The following UQCC1 variants were observed in gnomAD, a reference collection of about 807,000 sequenced individuals.
UQCC1 encodes the protein ubiquinol-cytochrome c reductase complex assembly factor 1, also known as bFGF-repressed Zic-binding protein.
Under a neutral mutation model 48.0 loss-of-function variants are expected in UQCC1, and 38 were observed. The ratio of observed to expected loss-of-function variants is 0.79; its 90% CI spans 0.61 to 1.04. UQCC1 has a LOEUF of 1.04. Among genes scored for constraint, UQCC1 ranks in the 50% least tolerant of loss-of-function variants. The pLI, the probability that UQCC1 is intolerant of heterozygous loss-of-function variation, is 0.00. For missense variants in UQCC1, 368 were observed against 381.8 expected, an observed-to-expected ratio of 0.96 and a Z score of 0.30; for synonymous variants, 111 against 129.2, an observed-to-expected ratio of 0.86 and a Z score of 0.95.
At chr20:35,335,904 G>T (rs1193610800) in intron 7 of UQCC1, among the ~76,000 whole-genome samples, 1 of 152,206 alleles carries the variant, frequency 6.6e-6, no homozygotes, top group South Asian at 2.1e-4. Flanking sequence ...CTGGCTAGGC[G>T]TGGTGGCTTA....
chr20:35,314,780 G>A lies in UQCC1; in HGVS notation c.574-15C>T. 1 of 1,568,640 alleles carries A rather than the reference G, an allele frequency of 6.4e-7. No individual in the cohort carries two copies. The highest frequency in any genetic ancestry group is 8.7e-7 in the Non-Finnish European group (1 of 1,147,928). On this transcript the variant is annotated splice_polypyrimidine_tract_variant and intron_variant, in intron 7 of 9. Transcript: ENST00000374385. ...TAGGGATTAACCTACAGAAACAAAT[G>A]GCAAAAACAAAAGTTTGAAAGAAAG...
chr20:35,341,218 CAAAAA>C (rs61675932), intron 7 of UQCC1, among the ~76,000 whole-genome samples: 146 of 115,796 alleles, frequency 1.3e-3, no homozygotes, highest in East Asian at 6.9e-3. Flanking sequence ...GAGACTCCGT[CAAAAA>C]AAAAAAAAAA....
At chr20:35,408,747 C>T (rs1044957177) in intron 1 of UQCC1, among the ~76,000 whole-genome samples, 3 of 151,578 alleles carry the variant, frequency 2.0e-5, no homozygotes, top group African/African-American at 7.3e-5. Context: ...CCCAGCTACT[C>T]AGGAGGCTGA....
intron 7 of UQCC1, among the ~76,000 whole-genome samples, chr20:35,333,578 CGAGT>C (rs1250622841): frequency 2.0e-5 from 3 of 152,132 alleles, no homozygotes; most frequent in African/African-American, 7.2e-5. Context: ...CATAAATACA[CGAGT>C]GACTGTGTAT....
intron 1 of UQCC1, among the ~76,000 whole-genome samples, chr20:35,411,428 A>C (rs948039227): frequency 6.6e-6 from 1 of 152,196 alleles, no homozygotes; most frequent in African/African-American, 2.4e-5. Context: ...TCAATCTAAT[A>C]ATCTATATTC....
intron 6 of UQCC1, among the ~76,000 whole-genome samples, chr20:35,360,306 A>C (rs1316374553): frequency 6.6e-6 from 1 of 152,074 alleles, no homozygotes; most frequent in South Asian, 2.1e-4. Flanking sequence ...CAGCTACATC[A>C]AAAGTGCTGT....
At chr20:35,346,782 C>T in intron 7 of UQCC1, 1 of 515,806 alleles carries the variant, frequency 1.9e-6, no homozygotes, top group East Asian at 3.6e-5. Flanking sequence ...CAGGGCCTCC[C>T]ATCAGAACTA....
intron 1 of UQCC1, among the ~76,000 whole-genome samples, chr20:35,408,774 G>T (rs1305712498): frequency 6.6e-6 from 1 of 151,880 alleles, no homozygotes; most frequent in East Asian, 1.9e-4. Flanking sequence ...AGGATCACTT[G>T]AGCCCAGGAG....
At chr20:35,348,394 T>C (rs2061453480) in intron 6 of UQCC1, among the ~76,000 whole-genome samples, 1 of 152,108 alleles carries the variant, frequency 6.6e-6, no homozygotes, top group Non-Finnish European at 1.5e-5. Context: ...TTGTTTTGTT[T>C]TGTTTTGTTT....
In UQCC1 at chr20:35,351,947, T is replaced by C. The variant is rs373419100; in HGVS notation, c.465-4675A>G. On this transcript the variant is annotated intron_variant, in intron 6 of 9. Coordinates refer to ENST00000374385, the MANE Select transcript of UQCC1 (RefSeq NM_018244.5). The stretch of plus-strand genomic sequence containing the variant: ...GTATGGTTGGATGCTGTGGGGATTA[T>C]AGTGATGGCTAAAACTAGAACCCAG... Among the ~76,000 whole-genome samples the C allele has an allele frequency of 2.6e-4, 40 of 152,370 alleles. No homozygotes were observed. In the East Asian group the frequency reaches 4.6e-3, roughly 18 times the overall value.
intron 7 of UQCC1, among the ~76,000 whole-genome samples, chr20:35,341,711 T>G (rs1568668322): frequency 6.6e-6 from 1 of 152,174 alleles, no homozygotes; most frequent in Non-Finnish European, 1.5e-5. Context: ...GGGATTGGCT[T>G]CCAGTTAGCT....
intron 1 of UQCC1, among the ~76,000 whole-genome samples, chr20:35,410,765 A>AC (rs1414578943): frequency 1.4e-5 from 2 of 142,756 alleles, no homozygotes; most frequent in African/African-American, 5.2e-5. Flanking sequence ...TAAAAAAAAA[A>AC]AAAAAAAAAA....
At chr20:35,375,926 G>C (rs2061792491) in intron 4 of UQCC1, among the ~76,000 whole-genome samples, 1 of 147,710 alleles carries the variant, frequency 6.8e-6, no homozygotes, top group Non-Finnish European at 1.5e-5. Context: ...TCCAGCCTGG[G>C]TGACAGAGCT....
chr20:35,346,487 C>T (rs1021172722), intron 7 of UQCC1: 71 of 160,484 alleles, frequency 4.4e-4, no homozygotes, highest in Non-Finnish European at 7.8e-4. Flanking sequence ...CGAAGGTCTG[C>T]GGCTTCATTC....
chr20:35,381,981 A>G lies in UQCC1; in HGVS notation c.270T>C (p.Val90=). The change falls in exon 4 of 10, where the codon GTT becomes GTC. Residue 90 remains valine (V), a synonymous_variant. Coordinates refer to ENST00000374385, the MANE Select transcript of UQCC1 (RefSeq NM_018244.5). ...CTTCTATTATCTTTGTGAAAGCACCAACCTTCTCCTCAACAGGCTGTGGGG... is the reference window on the plus strand; with the variant it reads ...CTTCTATTATCTTTGTGAAAGCACCGACCTTCTCCTCAACAGGCTGTGGGG... ...KDSPQPVEEK[V]GAFTKIIEAM... The G allele has an allele frequency of 6.2e-7, 1 of 1,613,336 alleles. No individual in the cohort carries two copies. Among genetic ancestry groups the G allele is most frequent in the Non-Finnish European group, 8.5e-7 (1 of 1,179,710 alleles).
chr20:35,335,584 T>C (rs1341539791), intron 7 of UQCC1, among the ~76,000 whole-genome samples: 5 of 152,158 alleles, frequency 3.3e-5, no homozygotes, highest in Non-Finnish European at 7.3e-5. Context: ...TACTGCATAT[T>C]ATATGATCCT....
Position 35,303,909 on chromosome 20 carries a change from G to T in UQCC1, c.*26C>A. 2 of 1,614,082 alleles carry T rather than the reference G, an allele frequency of 1.2e-6. No individual in the cohort carries two copies. Among genetic ancestry groups the T allele is most frequent in the East Asian group, 4.5e-5 (2 of 44,882 alleles). ...CCTGGAGGTTCCTCGAAGCCAGCTG[G>T]CGGGCCGTGCGGAGGGCCCAGCCCA... On this transcript the variant is annotated 3_prime_UTR_variant, in exon 10 of 10. Coordinates refer to ENST00000374385, the MANE Select transcript of UQCC1 (RefSeq NM_018244.5).
At chr20:35,367,177 CTTG>C (rs1288420121) in intron 5 of UQCC1, among the ~76,000 whole-genome samples, 2 of 151,512 alleles carry the variant, frequency 1.3e-5, no homozygotes, top group Non-Finnish European at 2.9e-5. Flanking sequence ...CTGTTACCAG[CTTG>C]TTATGTGGCC....
At chr20:35,406,764 A>G (rs559854969) in intron 1 of UQCC1, among the ~76,000 whole-genome samples, 1 of 152,356 alleles carries the variant, frequency 6.6e-6, no homozygotes, top group Non-Finnish European at 1.5e-5. Flanking sequence ...CAACTACAAG[A>G]AGAAATAATT....
Sources: gnomAD v4.1 joint callset for allele counts (sites outside exome capture counted in the v4.1 genomes callset) on GRCh38, gnomAD v4.1.1 for gene constraint, MANE v1.5 for transcripts, NCBI Gene and HGNC (gene_info 2026-07-23, HGNC 2026-07-21) for gene names.